Variants in DHRS4L2 observed in about 807,000 individuals in gnomAD.
DHRS4L2 encodes dehydrogenase/reductase SDR family member 4-like 2.
Under a neutral mutation model 23.9 loss-of-function variants are expected in DHRS4L2, and 22 were observed. The ratio of observed to expected loss-of-function variants is 0.92; its 90% confidence interval spans 0.66 to 1.31. The LOEUF (loss-of-function observed/expected upper bound fraction) is 1.31, where lower values mean the gene tolerates loss of function less well. Among genes scored for constraint, DHRS4L2 ranks in the 40% most tolerant of loss-of-function variants. DHRS4L2 has a pLI of 0.00. For synonymous variants in DHRS4L2, 141 were observed against 123.7 expected (o/e 1.14, Z -0.93); for missense variants, 385 against 303.3 (o/e 1.27, Z -2.00).
At chr14:23,995,174 C>A (rs748361420) in intron 3 of DHRS4L2, 41 bp downstream of exon 3, 9 of 1,597,562 alleles carry the variant, frequency 5.6e-6, no homozygotes, top group African/African-American at 1.3e-5. Flanking sequence ...GGCCTCGGGA[C>A]ACATTCAGCA....
intron 1 of DHRS4L2, among the ~76,000 whole-genome samples, chr14:23,972,080 G>T (rs2033868153): frequency 6.6e-6 from 1 of 151,972 alleles, no homozygotes; most frequent in South Asian, 2.1e-4. Flanking sequence ...GTATTCAGGA[G>T]ACCCATCTCA....
At chr14:23,977,144 A>G (rs1462270866) in intron 1 of DHRS4L2, among the ~76,000 whole-genome samples, 1 of 151,944 alleles carries the variant, frequency 6.6e-6, no homozygotes, top group Non-Finnish European at 1.5e-5. Context: ...ATCTCACAAA[A>G]TTAATAATCC....
upstream of DHRS4L2, among the ~76,000 whole-genome samples, chr14:23,986,594 T>A (rs570938833): frequency 5.3e-5 from 8 of 151,512 alleles, no homozygotes; most frequent in African/African-American, 9.7e-5. Flanking sequence ...GGGCCATGTG[T>A]TGTTCACCAA....
intron 1 of DHRS4L2, among the ~76,000 whole-genome samples, chr14:23,982,074 G>A (rs1383600380): frequency 6.6e-6 from 1 of 151,602 alleles, no homozygotes; most frequent in Non-Finnish European, 1.5e-5. Flanking sequence ...ACCCTTCATG[G>A]GTGTCGGGCT....
Position 23,973,185 on chromosome 14 carries a change from C to T in DHRS4L2, c.-176+2853C>T, listed in dbSNP as rs1425467543. 1.3e-5 allele frequency among the ~76,000 whole-genome samples: 2 copies of T among 152,006 alleles called. 1 individual carries two copies. The highest frequency in any genetic ancestry group is 2.9e-5 in the Non-Finnish European group (2 of 68,018). Reference sequence around the variant, plus strand: ...GGCTGGGGGACAGTCAGGTCTTTCTCATCCCATGAGGCCATATTTCAGACT... The same window carrying T: ...GGCTGGGGGACAGTCAGGTCTTTCTTATCCCATGAGGCCATATTTCAGACT... On this transcript the variant is annotated intron_variant, in intron 1 of 5. Coordinates refer to the DHRS4L2 transcript ENST00000534993.
intron 2 of DHRS4L2, 101 bp from the exon 3 acceptor site, chr14:23,994,931 G>C: frequency 7.0e-7 from 1 of 1,419,418 alleles, no homozygotes; most frequent in South Asian, 1.2e-5. Context: ...TTACAGGCAT[G>C]AGCCACAGCT....
Position 23,999,363 on chromosome 14 carries a change from A to AC in DHRS4L2, c.409-1500_409-1499insC, listed in dbSNP as rs1438367506. Among the ~76,000 whole-genome samples, 9 of 144,208 alleles carry AC rather than the reference A, an allele frequency of 6.2e-5. 1 individual carries two copies. In the South Asian group the frequency reaches 1.4e-3, roughly 22 times the overall value. The allele number at this position is 144,208 out of a possible 152,430, so 94.6% of individuals were successfully genotyped here. ...AATTTGTAAAAAAAAAAAAAAAAAA[A>AC]AAAAAAAAAAACAATATCTGCAAAG... On this transcript the variant is annotated intron_variant, in intron 3 of 7. Coordinates refer to ENST00000335125, the MANE Select transcript of DHRS4L2 (RefSeq NM_198083.4).
At chr14:24,001,312 C>T in intron 5 of DHRS4L2, 72 bp from the exon 6 acceptor site, 1 of 1,579,414 alleles carries the variant, frequency 6.3e-7, no homozygotes, top group Non-Finnish European at 8.6e-7. Flanking sequence ...GAGCACTGCC[C>T]TCTATGTCTA....
At chr14:23,988,405 C>A (rs2002589), upstream of DHRS4L2, among the ~76,000 whole-genome samples, 3,488 of 142,566 alleles carry the variant, frequency 0.024, 265 homozygotes, top group Middle Eastern at 0.06. Context: ...CCAGGCCTGG[C>A]GCAGCTACTG....
chr14:23,987,080 C>T (rs969409496), upstream of DHRS4L2: 1 of 232,164 alleles, frequency 4.3e-6, no homozygotes, highest in African/African-American at 2.4e-5. Context: ...CAGTGCAGGC[C>T]TGTTCTATTA....
At chr14:23,974,855 T>C (rs192001122) in intron 1 of DHRS4L2, among the ~76,000 whole-genome samples, 1 of 151,870 alleles carries the variant, frequency 6.6e-6, no homozygotes, top group Admixed American at 6.6e-5. Flanking sequence ...TCTGAAACTA[T>C]ACCGATCAAT....
At position 23,971,006 on chromosome 14, in the gene DHRS4L2, A is replaced by G. The variant is rs939791515; in HGVS notation, c.-176+674A>G. On this transcript the variant is annotated intron_variant, in intron 1 of 5. Coordinates refer to the DHRS4L2 transcript ENST00000534993. ...ACCCCATCCATAGGTCACCAACATC[A>G]AAGACCAAAGGTAGATAAAACCACA... Among the ~76,000 whole-genome samples, 69 of 152,120 alleles carry G rather than the reference A, an allele frequency of 4.5e-4. 1 individual carries two copies. The highest frequency in any genetic ancestry group is 1.6e-3 in the African/African-American group (66 of 41,470).
intron 1 of DHRS4L2, among the ~76,000 whole-genome samples, chr14:23,973,464 A>T (rs143121795): frequency 0.013 from 1,946 of 152,040 alleles, 64 homozygotes; most frequent in African/African-American, 0.043. Context: ...GGGCTCCTCA[A>T]GCGTGGCCAG....
At chr14:23,990,891 A>T in intron 2 of DHRS4L2, 1 of 737,830 alleles carries the variant, frequency 1.4e-6, no homozygotes, top group Non-Finnish European at 1.7e-6. Flanking sequence ...TCCCACAGCC[A>T]GTAAGGAAAG....
At chr14:23,997,926 A>C (rs914988575) in intron 3 of DHRS4L2, among the ~76,000 whole-genome samples, 1 of 151,844 alleles carries the variant, frequency 6.6e-6, no homozygotes. Flanking sequence ...GCCAACATCC[A>C]TCAGAGGAAT....
intron 2 of DHRS4L2, 106 bp from the exon 3 acceptor site, chr14:23,994,926 G>C: frequency 1.4e-6 from 2 of 1,380,812 alleles, no homozygotes; most frequent in Non-Finnish European, 2.0e-6. Flanking sequence ...TATGATTACA[G>C]GCATGAGCCA....
At chr14:23,973,171 A>G (rs200365141) in intron 1 of DHRS4L2, among the ~76,000 whole-genome samples, 8 of 152,108 alleles carry the variant, frequency 5.3e-5, no homozygotes, top group South Asian at 2.1e-4. Flanking sequence ...GCTGGGGGAC[A>G]GTCAGGTCTT....
At chr14:24,004,290 A>G (rs1044782944) in intron 6 of DHRS4L2, 47 bp from the exon 7 acceptor site, 16 of 1,534,058 alleles carry the variant, frequency 1.0e-5, no homozygotes, top group Non-Finnish European at 1.3e-5. Flanking sequence ...AAAAAAAAAG[A>G]AAGGAAAAGA....
intron 1 of DHRS4L2, among the ~76,000 whole-genome samples, chr14:23,982,909 G>A (rs375300371): frequency 3.3e-5 from 5 of 151,472 alleles, no homozygotes; most frequent in Non-Finnish European, 7.4e-5. Flanking sequence ...TTAATTATAA[G>A]ACCTAAAACC....
Sources: gnomAD v4.1 joint callset for allele counts (sites outside exome capture counted in the v4.1 genomes callset) on GRCh38, gnomAD v4.1.1 for gene constraint, MANE v1.5 for transcripts, NCBI Gene and HGNC (gene_info 2026-07-23, HGNC 2026-07-21) for gene names.